The following KAZN variants were observed in gnomAD, a reference collection of about 807,000 sequenced individuals.
KAZN encodes the protein kazrin.
Under a neutral mutation model 87.4 loss-of-function variants are expected in KAZN, and 40 were observed. The observed-to-expected ratio is 0.46, with a 90% CI of 0.36 to 0.60. KAZN has a LOEUF of 0.60. Ranked by LOEUF, KAZN falls within the 20% of genes least tolerant of loss-of-function variation. KAZN has a pLI of 0.00. For missense variants in KAZN, 898 were observed against 1,073.9 expected, an observed-to-expected ratio of 0.84 and a Z score of 2.29; for synonymous variants, 466 against 458.3, an observed-to-expected ratio of 1.02 and a Z score of -0.22.
chr1:14,341,456 C>G (rs937732299), intron 2 of KAZN, among the ~76,000 whole-genome samples: 44 of 152,340 alleles, frequency 2.9e-4, no homozygotes, highest in Non-Finnish European at 8.8e-5. Context: ...GACACTCCCC[C>G]TGAGATCTCA....
intron 2 of KAZN, among the ~76,000 whole-genome samples, chr1:14,267,660 G>A (rs925637120): frequency 6.6e-6 from 1 of 152,138 alleles, no homozygotes; most frequent in Non-Finnish European, 1.5e-5. Context: ...CTAAAAGAAC[G>A]AATGAATCTA....
intron 1 of KAZN, among the ~76,000 whole-genome samples, chr1:14,904,140 C>T (rs1656228707): frequency 1.3e-5 from 2 of 152,072 alleles, no homozygotes; most frequent in South Asian, 4.1e-4. Context: ...CAGCCACTTC[C>T]TAGTTGTATG....
intron 2 of KAZN, among the ~76,000 whole-genome samples, chr1:14,579,435 CT>C (rs1223685604): frequency 2.0e-5 from 3 of 151,990 alleles, no homozygotes; most frequent in African/African-American, 7.3e-5. Context: ...ACCACCCTGG[CT>C]AACACGGTGA....
At chr1:14,727,755 C>T (rs181743408) in intron 1 of KAZN, among the ~76,000 whole-genome samples, 54 of 151,764 alleles carry the variant, frequency 3.6e-4, no homozygotes, top group Non-Finnish European at 7.1e-4. Context: ...CGTGAGCCAC[C>T]GCTTCGGCTG....
At chr1:15,047,853 G>T (rs902455411) in intron 4 of KAZN, among the ~76,000 whole-genome samples, 13 of 152,176 alleles carry the variant, frequency 8.5e-5, no homozygotes, top group African/African-American at 3.1e-4. Context: ...TGCAGCTGGG[G>T]GACGAACATG....
intron 1 of KAZN, among the ~76,000 whole-genome samples, chr1:14,031,105 C>G (rs762382543): frequency 1.3e-5 from 2 of 152,128 alleles, no homozygotes; most frequent in African/African-American, 4.8e-5. Context: ...GCACCACCAA[C>G]CTGTAGTACT....
At chr1:14,603,529 C>G (rs1270031854) in intron 1 of KAZN, among the ~76,000 whole-genome samples, 2 of 152,166 alleles carry the variant, frequency 1.3e-5, no homozygotes, top group Non-Finnish European at 2.9e-5. Context: ...TTTCCATTGT[C>G]TTTGGAAAAT....
chr1:14,993,745 G>T lies in KAZN; in HGVS notation c.418+32870G>T, dbSNP rs188686699. Among the ~76,000 whole-genome samples the T allele has an allele frequency of 2.2e-3, 338 of 152,312 alleles. 6 individuals are homozygous for T. The highest frequency in any genetic ancestry group is 7.5e-3 in the African/African-American group (311 of 41,564). On this transcript the variant is annotated intron_variant, in intron 2 of 14. Coordinates refer to ENST00000376030, the MANE Select transcript of KAZN (RefSeq NM_201628.3). ...GACTTCGCCCATCCTGGGTGCTCTT[G>T]ATGTGTTCGTTGAGTCTTATGAGAG...
chr1:13,978,150 AAG>A (rs1491066810), intron 1 of KAZN, among the ~76,000 whole-genome samples: 1 of 150,976 alleles, frequency 6.6e-6, no homozygotes, highest in Non-Finnish European at 1.5e-5. Context: ...AAAAAAAAAA[AAG>A]GCAATTGTTG....
intron 1 of KAZN, among the ~76,000 whole-genome samples, chr1:14,846,352 GTA>G (rs1351178650): frequency 1.3e-5 from 2 of 152,086 alleles, no homozygotes; most frequent in Non-Finnish European, 2.9e-5. Context: ...AGCGATCTAG[GTA>G]TAACCCAAGT....
intron 1 of KAZN, among the ~76,000 whole-genome samples, chr1:13,963,004 G>A (rs1428988769): frequency 6.6e-6 from 1 of 152,254 alleles, no homozygotes; most frequent in African/African-American, 2.4e-5. Flanking sequence ...AGAAGCTAAA[G>A]AGACAAATTG....
At chr1:14,538,585 G>C (rs74911075) in intron 2 of KAZN, among the ~76,000 whole-genome samples, 2,869 of 152,216 alleles carry the variant, frequency 0.019, 36 homozygotes, top group Non-Finnish European at 0.029. Flanking sequence ...CCAACCATAA[G>C]GGAGGAGCCC....
chr1:15,005,875 C>A (rs1457567885), intron 2 of KAZN, among the ~76,000 whole-genome samples: 1 of 152,180 alleles, frequency 6.6e-6, no homozygotes. Flanking sequence ...TGTATTGTTT[C>A]CTTTGTGATG....
chr1:15,005,906 C>T (rs948459932), intron 2 of KAZN, among the ~76,000 whole-genome samples: 8 of 152,190 alleles, frequency 5.3e-5, no homozygotes, highest in Admixed American at 1.3e-4. Flanking sequence ...CTCAGCGGGC[C>T]GCAGTGGCAC....
intron 2 of KAZN, among the ~76,000 whole-genome samples, chr1:14,377,922 C>G (rs148322458): frequency 6.6e-6 from 1 of 152,354 alleles, no homozygotes; most frequent in East Asian, 1.9e-4. Flanking sequence ...CTGAGAATGT[C>G]TCCAGACATT....
intron 1 of KAZN, among the ~76,000 whole-genome samples, chr1:14,921,294 C>T (rs928915208): frequency 6.6e-6 from 1 of 152,082 alleles, no homozygotes; most frequent in African/African-American, 2.4e-5. Context: ...GTAACTAGGA[C>T]GTATGTGCGC....
At chr1:14,497,636 T>A (rs1186495795) in intron 2 of KAZN, among the ~76,000 whole-genome samples, 1 of 152,170 alleles carries the variant, frequency 6.6e-6, no homozygotes, top group African/African-American at 2.4e-5. Flanking sequence ...TAATACTGCT[T>A]GTCAAAGACT....
intron 2 of KAZN, among the ~76,000 whole-genome samples, chr1:14,575,406 G>A (rs146803652): frequency 5.4e-4 from 82 of 152,098 alleles, no homozygotes; most frequent in African/African-American, 1.9e-3. Flanking sequence ...AAGAGAAAGG[G>A]GTTTCCCTTT....
chr1:14,363,643 G>A (rs1440998969), intron 2 of KAZN, among the ~76,000 whole-genome samples: 2 of 152,182 alleles, frequency 1.3e-5, no homozygotes, highest in East Asian at 1.9e-4. Context: ...TTTAACCTAT[G>A]GGCCAAATCC....
Sources: gnomAD v4.1 joint callset for allele counts (sites outside exome capture counted in the v4.1 genomes callset) on GRCh38, gnomAD v4.1.1 for gene constraint, MANE v1.5 for transcripts, NCBI Gene and HGNC (gene_info 2026-07-23, HGNC 2026-07-21) for gene names.